The following PCDHGB4 variants were observed in gnomAD, a reference collection of about 807,000 sequenced individuals.
PCDHGB4 encodes the protein protocadherin gamma subfamily B, 4.
In PCDHGB4, 38 loss-of-function variants were observed where a neutral mutation model predicts 60.5. The ratio of observed to expected loss-of-function variants is 0.63; its 90% CI spans 0.48 to 0.82. The LOEUF is 0.82. Ranked by LOEUF, PCDHGB4 falls within the 40% of genes least tolerant of loss-of-function variation. PCDHGB4 has a pLI of 0.00. For synonymous variants in PCDHGB4, 456 were observed against 509.7 expected (o/e 0.89, Z 1.42); for missense variants, 1,109 against 1,209.6 (o/e 0.92, Z 1.23).
chr5:141,425,394 G>C (rs186813737), intron 1 of PCDHGB4, among the ~76,000 whole-genome samples: 2 of 152,184 alleles, frequency 1.3e-5, no homozygotes, highest in Non-Finnish European at 2.9e-5. Context: ...TAGTGATAAA[G>C]TTCTGTTAAG....
intron 1 of PCDHGB4, chr5:141,410,911 T>C (rs927103159): frequency 2.6e-5 from 7 of 267,884 alleles, no homozygotes; most frequent in African/African-American, 7.8e-5. Flanking sequence ...TGGAGTGCAG[T>C]GGCGTGATCT....
In PCDHGB4 at chr5:141,413,958, G is replaced by A. The variant is rs774080265; in HGVS notation, c.2397+23677G>A. On this transcript the variant is annotated intron_variant, in intron 1 of 3. Coordinates refer to ENST00000519479, the MANE Select transcript of PCDHGB4 (RefSeq NM_003736.4). ...TGAGTGTTCCTGAGAATTTGCCTGT[G>A]GGCACTCAGCTGCTGACAGTCACAG... The A allele has an allele frequency of 5.0e-6, 8 of 1,613,276 alleles. No individual in the cohort carries two copies. In the South Asian group the frequency reaches 6.6e-5, roughly 13 times the overall value.
chr5:141,421,312 GC>G, intron 1 of PCDHGB4: 1 of 1,613,748 alleles, frequency 6.2e-7, no homozygotes, highest in Non-Finnish European at 8.5e-7. Flanking sequence ...GGGGTTCCGG[GC>G]CAGGCAGATC....
chr5:141,395,511 T>G, intron 1 of PCDHGB4: 3 of 425,438 alleles, frequency 7.1e-6, no homozygotes, highest in Non-Finnish European at 1.3e-5. Context: ...AAGAAGTAGC[T>G]ACCCGTCCAT....
At chr5:141,407,898 A>G in intron 1 of PCDHGB4, 1 of 407,470 alleles carries the variant, frequency 2.5e-6, no homozygotes, top group Non-Finnish European at 4.3e-6. Context: ...CGAATTCAAA[A>G]TGAAAAACCG....
At chr5:141,416,274 A>G (rs2096010347) in intron 1 of PCDHGB4, 2 of 152,404 alleles carry the variant, frequency 1.3e-5, no homozygotes, top group Non-Finnish European at 1.5e-5. Flanking sequence ...CTTTTTGCAT[A>G]CAATTCTCTA....
chr5:141,419,203 C>T (rs201698529), intron 1 of PCDHGB4: 140 of 1,613,988 alleles, frequency 8.7e-5, no homozygotes, highest in Non-Finnish European at 1.2e-4. Flanking sequence ...TCAATGACAA[C>T]GCGCCGGTTT....
chr5:141,415,740 GTTTTTTTTTTTTTTT>G (rs57426385), intron 1 of PCDHGB4: 171 of 625,014 alleles, frequency 2.7e-4, no homozygotes, highest in East Asian at 8.8e-4. Flanking sequence ...GTTTATTAAG[GTTTTTTTTTTTTTTT>G]TTTTTTTTTT....
intron 1 of PCDHGB4, chr5:141,417,966 C>T: frequency 6.2e-7 from 1 of 1,613,776 alleles, no homozygotes; most frequent in Non-Finnish European, 8.5e-7. Flanking sequence ...ATCCGCTACT[C>T]GATTCCGGAG....
intron 1 of PCDHGB4, chr5:141,418,007 C>T: frequency 6.2e-7 from 1 of 1,613,904 alleles, no homozygotes; most frequent in Non-Finnish European, 8.5e-7. Flanking sequence ...GGTGGGGAAC[C>T]TCGCTAAGGA....
chr5:141,456,324 G>T (rs757059960), intron 1 of PCDHGB4, among the ~76,000 whole-genome samples: 15 of 152,166 alleles, frequency 9.9e-5, no homozygotes, highest in Non-Finnish European at 2.9e-5. Context: ...TCCTCCTGGG[G>T]TTGATCTAAG....
At chr5:141,410,961 C>T (rs2095452770) in intron 1 of PCDHGB4, 1 of 178,096 alleles carries the variant, frequency 5.6e-6, no homozygotes, top group African/African-American at 2.5e-5. Flanking sequence ...TCAAGCGATT[C>T]TCCTGCCTCA....
intron 1 of PCDHGB4, chr5:141,421,421 T>A (rs982627903): frequency 6.2e-7 from 1 of 1,613,876 alleles, no homozygotes; most frequent in Non-Finnish European, 8.5e-7. Flanking sequence ...AAGCGCGGAG[T>A]CCGCATCGTC....
rs371821042 is a variant in PCDHGB4, at chr5:141,421,764, T to C, written c.2397+31483T>C. The C allele has an allele frequency of 8.7e-6, 14 of 1,613,782 alleles. No individual in the cohort carries two copies. The African/African-American group carries it at 1.5e-4, about 17-fold the overall frequency. ...ACCAGCTCAGCCCTAATAATTACTT[T>C]TCCTTGCAACTGCGGGGCAGAACGG... On this transcript the variant is annotated intron_variant, in intron 1 of 3. Transcript: ENST00000519479.
chr5:141,402,954 T>C, intron 1 of PCDHGB4: 3 of 1,601,320 alleles, frequency 1.9e-6, no homozygotes, highest in Non-Finnish European at 2.6e-6. Context: ...GAGGCAGCAA[T>C]GGCAGCTCCA....
chr5:141,408,769 C>A (rs754783489), intron 1 of PCDHGB4: 3 of 1,611,166 alleles, frequency 1.9e-6, no homozygotes, highest in South Asian at 1.1e-5. Flanking sequence ...CCGATGGTGG[C>A]AAATACCCAG....
chr5:141,415,740 G>GTTTTTTTTTT lies in PCDHGB4; in HGVS notation c.2397+25482_2397+25491dup, dbSNP rs57426385. 90 of 625,044 alleles carry GTTTTTTTTTT rather than the reference G, an allele frequency of 1.4e-4. 1 individual carries two copies. The highest frequency in any genetic ancestry group is 4.1e-4 in the East Asian group (6 of 14,742). The allele number at this position is 625,044 out of a possible 1,614,324, so 38.7% of individuals were successfully genotyped here. On this transcript the variant is annotated intron_variant, in intron 1 of 3. Coordinates refer to ENST00000519479, the MANE Select transcript of PCDHGB4 (RefSeq NM_003736.4). ...TGAGTAGAATTTGATGTTTATTAAG[G>GTTTTTTTTTT]TTTTTTTTTTTTTTTTTTTTTTTTT...
At chr5:141,478,891 A>G (rs1045274228) in intron 1 of PCDHGB4, 10 of 1,122,064 alleles carry the variant, frequency 8.9e-6, no homozygotes, top group Admixed American at 3.1e-5. Context: ...TATCATTTAC[A>G]TTAGGAATAA....
At position 141,432,627 on chromosome 5, in the gene PCDHGB4, C is replaced by A. The variant is rs886117102; in HGVS notation, c.2397+42346C>A. 1 of 1,613,652 alleles carries A rather than the reference C, an allele frequency of 6.2e-7. No homozygotes were observed. The highest frequency in any genetic ancestry group is 8.5e-7 in the Non-Finnish European group (1 of 1,179,952). On this transcript the variant is annotated intron_variant, in intron 1 of 3. Transcript: ENST00000519479. This position sits in a 1 kb window ranked among gnomAD's most constrained non-coding sequence, Gnocchi z 6.0. ...GGACTCTTCTCGGTGGGTCTGCACA[C>A]GGGCGAGGTGCGCACGGCGCGAGCC...
Sources: allele counts gnomAD v4.1 joint callset (sites outside exome capture counted in the v4.1 genomes callset), GRCh38; gene constraint gnomAD v4.1.1; non-coding constraint Gnocchi (gnomAD v3.1); transcripts MANE v1.5; gene names NCBI Gene and HGNC (gene_info 2026-07-23, HGNC 2026-07-21).